Variants in GRID2IP observed in about 807,000 individuals in gnomAD.
GRID2IP encodes the protein delphilin.
GRID2IP carries 78 observed loss-of-function variants against 114.3 expected under a neutral mutation model. The ratio of observed to expected loss-of-function variants is 0.68; its 90% CI spans 0.57 to 0.82. The LOEUF (loss-of-function observed/expected upper bound fraction) is 0.82, where lower values mean the gene tolerates loss of function less well. Ranked by LOEUF, GRID2IP falls within the 40% of genes least tolerant of loss-of-function variation. The pLI is 0.00. For synonymous variants in GRID2IP, 809 were observed against 724.0 expected (o/e 1.12, Z -1.89); for missense variants, 1,727 against 1,678.5 (o/e 1.03, Z -0.51).
chr7:6,521,795 G>A lies in GRID2IP; in HGVS notation c.989+93C>T. ...GGGGACCAAATGGTGAGAGGAGATT[G>A]TGATCACAGCCTGGGTGCCCCAAGA... On this transcript the variant is annotated intron_variant, in intron 5 of 21. Coordinates refer to ENST00000457091, the MANE Select transcript of GRID2IP (RefSeq NM_001145118.2). This position sits in a 1 kb window ranked among gnomAD's most constrained non-coding sequence, Gnocchi z 4.1. 1 of 945,904 alleles carries A rather than the reference G, an allele frequency of 1.1e-6. No individual in the cohort carries two copies. Among genetic ancestry groups the A allele is most frequent in the Non-Finnish European group, 1.6e-6 (1 of 607,296 alleles). The allele number at this position is 945,904 out of a possible 1,614,324, so 58.6% of individuals were successfully genotyped here. A position where few individuals can be genotyped will look rare whatever the true frequency, so the allele number is the denominator to read the frequency against.
Position 6,533,661 on chromosome 7 carries a change from G to C in GRID2IP, c.584+6057C>G, listed in dbSNP as rs1380413858. On this transcript the variant is annotated intron_variant, in intron 2 of 21. Transcript: ENST00000457091. ...TTACAGGCAGGCACCACTGCCCCCA[G>C]CTCATTTTTAAACTTTTTTTTTTTT... 2.0e-5 allele frequency among the ~76,000 whole-genome samples: 3 copies of C among 149,622 alleles called. No homozygotes were observed. The Admixed American group carries it at 2.0e-4, about 10-fold the overall frequency.
Position 6,511,033 on chromosome 7 carries a change from G to A in GRID2IP, c.1430C>T (p.Pro477Leu), listed in dbSNP as rs747318372. 13 of 1,454,680 alleles carry A rather than the reference G, an allele frequency of 8.9e-6. No homozygotes were observed. The highest frequency in any genetic ancestry group is 1.2e-5 in the Non-Finnish European group (13 of 1,101,510). 90.1% of individuals were successfully genotyped at this position (1,454,680 alleles called of 1,614,324 possible). Reference protein sequence around the residue: ...FLGYTAMTAEPEPELDLESEP... With the variant: ...FLGYTAMTAELEPELDLESEP... ...GGACTCCAGGTCCAGCTCAGGCTCC[G>A]GCTCTGCTGTGGGACATGCAGGGAA... Residue 477 changes from proline (P) to leucine (L), a missense_variant, in exon 9 of 22, where the codon CCG (proline) becomes CTG (leucine). Transcript: ENST00000457091.
intron 20 of GRID2IP, 23 bp downstream of exon 20, chr7:6,501,758 G>A (rs554465964): frequency 3.0e-5 from 46 of 1,523,818 alleles, no homozygotes; most frequent in African/African-American, 1.4e-4. Context: ...GCCTGGTGCA[G>A]GAACAGGCTG....
chr7:6,501,752 G>A (rs937584429), intron 20 of GRID2IP, 29 bp downstream of exon 20: 10 of 1,498,500 alleles, frequency 6.7e-6, no homozygotes, highest in African/African-American at 1.4e-5. Context: ...GATCCAGCCT[G>A]GTGCAGGAAC....
rs1028925692 is a variant in GRID2IP, at chr7:6,521,386, G to A, written c.1084+43C>T. 4 of 1,388,454 alleles carry A rather than the reference G, an allele frequency of 2.9e-6. No individual in the cohort carries two copies. In the South Asian group the frequency reaches 5.5e-5, roughly 19 times the overall value. The allele number at this position is 1,388,454 out of a possible 1,614,324, so 86.0% of individuals were successfully genotyped here. On this transcript the variant is annotated intron_variant, in intron 6 of 21. Coordinates refer to ENST00000457091, the MANE Select transcript of GRID2IP (RefSeq NM_001145118.2). The surrounding 1 kb of genome is among the most constrained non-coding windows in gnomAD (Gnocchi z 4.1). ...TCTCACATATAGCAGCCTGGGCAGG[G>A]TCTCTGGGGGCCAAGGAAGCCAAGT... is the stretch of plus-strand genomic sequence containing the variant.
Position 6,503,481 on chromosome 7 carries a change from G to T in GRID2IP, c.2907+10C>A. ...GCCGAGGCCTCGGGGCGGGGTTGTGGTCGCGGCACCTGCAGGACGAACTGG... is the reference window on the plus strand; with the variant it reads ...GCCGAGGCCTCGGGGCGGGGTTGTGTTCGCGGCACCTGCAGGACGAACTGG... On this transcript the variant is annotated intron_variant, in intron 16 of 21. Transcript: ENST00000457091. The T allele has an allele frequency of 6.6e-7, 1 of 1,516,252 alleles. No homozygotes were observed. Among genetic ancestry groups the T allele is most frequent in the African/African-American group, 1.4e-5 (1 of 70,570 alleles). 93.9% of individuals were successfully genotyped at this position (1,516,252 alleles called of 1,614,324 possible).
At position 6,508,278 on chromosome 7, in the gene GRID2IP, G is replaced by A. The variant is rs1221167783; in HGVS notation, c.2251C>T (p.Pro751Ser). The change falls in exon 13 of 22, where the codon CCA becomes TCA. Residue 751 changes from proline to serine, a missense_variant. By Grantham distance (74) the Pro-to-Ser change is moderately conservative. Coordinates refer to ENST00000457091, the MANE Select transcript of GRID2IP (RefSeq NM_001145118.2). This position sits in a 1 kb window ranked among gnomAD's most constrained non-coding sequence, Gnocchi z 5.6. ...TYSSISDHIP[P>S]PPLSPPPPPP... is the part of the protein sequence containing the mutation. ...GGTGGTGGGGGGCTGAGCGGGGGTG[G>A]GGGGATGTGGTCAGAGATGGAGGAG... 7 of 1,544,916 alleles carry A rather than the reference G, an allele frequency of 4.5e-6. No individual in the cohort carries two copies. The highest frequency in any genetic ancestry group is 6.1e-6 in the Non-Finnish European group (7 of 1,144,280).
chr7:6,502,171 C>A, intron 18 of GRID2IP, 53 bp from the exon 19 acceptor site: 1 of 1,506,084 alleles, frequency 6.6e-7, no homozygotes, highest in South Asian at 1.2e-5. Flanking sequence ...CAGATGGGGT[C>A]ACATGGGCCC....
At chr7:6,522,204 A>C (rs1231167104) in intron 4 of GRID2IP, among the ~76,000 whole-genome samples, 2 of 152,122 alleles carry the variant, frequency 1.3e-5, no homozygotes, top group Non-Finnish European at 2.9e-5. Flanking sequence ...AAAAATACAG[A>C]GCCCCATAGG....
intron 1 of GRID2IP, among the ~76,000 whole-genome samples, chr7:6,543,901 G>T (rs1325862166): frequency 2.0e-5 from 3 of 152,036 alleles, no homozygotes; most frequent in Non-Finnish European, 4.4e-5. Flanking sequence ...AGTTCAAGCA[G>T]TTCTCCTGAC....
Position 6,502,066 on chromosome 7 carries a change from G to C in GRID2IP, c.3203C>G (p.Ala1068Gly), listed in dbSNP as rs537810167. 1.5e-5 allele frequency: 23 copies of C among 1,551,412 alleles called. No homozygotes were observed. The South Asian group carries it at 2.6e-4, about 18-fold the overall frequency. ...AGGGAAGTGCTGGCTCAGCGATTTG[G>C]CAAGGATGTGCAGGAAGGTGGACTT... ...DGKSTFLHIL[A>G]KSLSQHFPEL... The change falls in exon 19 of 22, where the codon GCC (alanine) becomes GGC (glycine). Residue 1068 changes from alanine to glycine, a missense_variant. Ala to Gly is a moderately conservative substitution (Grantham distance 60). Transcript: ENST00000457091.
chr7:6,510,477 C>A, intron 10 of GRID2IP, 77 bp from the exon 11 acceptor site: 1 of 1,348,138 alleles, frequency 7.4e-7, no homozygotes, highest in Non-Finnish European at 9.9e-7. Context: ...CTGGGTGGGC[C>A]GGGAGGCAGG....
Position 6,508,270 on chromosome 7 carries a change from C to CA in GRID2IP, c.2258_2259insT (p.Leu754AlafsTer13). 1 of 266,020 alleles carries CA rather than the reference C, an allele frequency of 3.8e-6. No homozygotes were observed. The allele number at this position is 266,020 out of a possible 1,614,324, so 16.5% of individuals were successfully genotyped here. On this transcript the variant is annotated frameshift_variant, in exon 13 of 22. Coordinates refer to ENST00000457091, the MANE Select transcript of GRID2IP (RefSeq NM_001145118.2). LOFTEE classifies it high-confidence loss of function. This position sits in a 1 kb window ranked among gnomAD's most constrained non-coding sequence, Gnocchi z 5.6. ...GGGGTGGCGGTGGTGGGGGGCTGAG[C>CA]GGGGGTGGGGGGATGTGGTCAGAGA...
intron 20 of GRID2IP, among the ~76,000 whole-genome samples, chr7:6,500,468 C>G (rs1562509904): frequency 6.6e-6 from 1 of 151,970 alleles, no homozygotes. Flanking sequence ...CGTCTCAAAA[C>G]AAAACAAAAA....
Position 6,502,880 on chromosome 7 carries a change from C to T in GRID2IP, c.3064-8G>A. ...GCCCATGGCCAACACAAACTGTGGA[C>T]AAGAAGGTGGGTAGGTCCTGTCCTC... On this transcript the variant is annotated splice_polypyrimidine_tract_variant and splice_region_variant and intron_variant, in intron 17 of 21. Transcript: ENST00000457091. 1.9e-6 allele frequency: 3 copies of T among 1,551,028 alleles called. No individual in the cohort carries two copies. The highest frequency in any genetic ancestry group is 2.6e-6 in the Non-Finnish European group (3 of 1,146,268).
intron 1 of GRID2IP, 32 bp downstream of exon 1, chr7:6,550,976 T>TCCCCC: frequency 9.8e-7 from 1 of 1,015,788 alleles, no homozygotes; most frequent in Non-Finnish European, 1.2e-6. Flanking sequence ...GCCCCCTCCT[T>TCCCCC]CCCGCCCCCA....
rs1293280645 is a variant in GRID2IP at position 6,503,514 on chromosome 7, C to T, written c.2884G>A (p.Glu962Lys). ...ACCTGCAGGACGAACTGGTCCGGCTCGCTGAGGCGGCCGGGCGCCTCGCGG... is the reference window on the plus strand; with the variant it reads ...ACCTGCAGGACGAACTGGTCCGGCTTGCTGAGGCGGCCGGGCGCCTCGCGG... ...AFREAPGRLS[E>K]PDQFVLQMLS... The change falls in exon 16 of 22, where the codon GAG becomes AAG. Residue 962 changes from glutamate to lysine, a missense_variant. By Grantham distance (56) the Glu-to-Lys change is moderately conservative (BLOSUM62 1). Transcript: ENST00000457091. 7 of 1,525,748 alleles carry T rather than the reference C, an allele frequency of 4.6e-6. No homozygotes were observed. Among genetic ancestry groups the T allele is most frequent in the Non-Finnish European group, 5.2e-6 (6 of 1,143,114 alleles). The allele number at this position is 1,525,748 out of a possible 1,614,324, so 94.5% of individuals were successfully genotyped here. A position where few individuals can be genotyped will look rare whatever the true frequency, so the allele number is the denominator to read the frequency against.
At chr7:6,542,695 G>T (rs889914035) in intron 1 of GRID2IP, among the ~76,000 whole-genome samples, 10 of 152,138 alleles carry the variant, frequency 6.6e-5, no homozygotes, top group African/African-American at 2.4e-4. Flanking sequence ...ATGAAATAGG[G>T]AGTGATGGCT....
rs918727973 is a variant in GRID2IP, at chr7:6,520,083, G to C, written c.1268+495C>G. ...GAGGTCAGGAGTTTGAGACCAGCCT[G>C]ACCAACATAGTGAAACCCTGTCTCT... On this transcript the variant is annotated intron_variant, in intron 7 of 21. Coordinates refer to ENST00000457091, the MANE Select transcript of GRID2IP (RefSeq NM_001145118.2). The surrounding 1 kb of genome is among the most constrained non-coding windows in gnomAD (Gnocchi z 4.6). 6.6e-6 allele frequency among the ~76,000 whole-genome samples: 1 copy of C among 152,112 alleles called. No individual in the cohort carries two copies. The highest frequency in any genetic ancestry group is 1.5e-5 in the Non-Finnish European group (1 of 68,034).
Sources: gnomAD v4.1 joint callset for allele counts (sites outside exome capture counted in the v4.1 genomes callset) on GRCh38, gnomAD v4.1.1 for gene constraint, Gnocchi (gnomAD v3.1) non-coding constraint, MANE v1.5 for transcripts, NCBI Gene and HGNC (gene_info 2026-07-23, HGNC 2026-07-21) for gene names.